KATNAL1: variants seen among roughly 807,000 people sequenced by gnomAD.
KATNAL1 encodes katanin catalytic subunit A1 like 1.
Under a neutral mutation model 55.2 loss-of-function variants are expected in KATNAL1, and 32 were observed. The observed-to-expected ratio is 0.58, with a 90% CI of 0.44 to 0.78. KATNAL1 has a LOEUF of 0.78. KATNAL1 is among the 30% of genes least tolerant of loss of function. KATNAL1 has a pLI of 0.00. For synonymous variants in KATNAL1, 193 were observed against 193.6 expected, an observed-to-expected ratio of 1.00 and a Z score of 0.02; for missense variants, 466 against 600.9, an observed-to-expected ratio of 0.78 and a Z score of 2.35.
intron 6 of KATNAL1, among the ~76,000 whole-genome samples, chr13:30,232,403 T>C (rs1297369809): frequency 6.6e-6 from 1 of 152,216 alleles, no homozygotes; most frequent in Non-Finnish European, 1.5e-5. Flanking sequence ...ATTCAGAAAC[T>C]GTCCAAATGC....
intron 4 of KATNAL1, 95 bp downstream of exon 4, chr13:30,255,352 A>C (rs1164298283): frequency 1.9e-6 from 2 of 1,045,738 alleles, no homozygotes; most frequent in East Asian, 5.6e-5. Flanking sequence ...CTTCCACGTC[A>C]AAACCAGGGT....
intron 9 of KATNAL1, among the ~76,000 whole-genome samples, chr13:30,215,180 A>G (rs1874090738): frequency 6.6e-6 from 1 of 152,016 alleles, no homozygotes; most frequent in Non-Finnish European, 1.5e-5. Flanking sequence ...AAAAATGCTC[A>G]TCATCACTGG....
chr13:30,281,278 G>C (rs181891474), intron 2 of KATNAL1, among the ~76,000 whole-genome samples: 24 of 151,694 alleles, frequency 1.6e-4, no homozygotes, highest in Non-Finnish European at 2.5e-4. Flanking sequence ...AGGAACATAT[G>C]AAGGAGTTAC....
intron 1 of KATNAL1, among the ~76,000 whole-genome samples, chr13:30,288,488 C>T (rs1593177973): frequency 6.6e-6 from 1 of 152,196 alleles, no homozygotes; most frequent in East Asian, 1.9e-4. Context: ...TAACTTATAA[C>T]AGCATGGAAA....
chr13:30,269,681 C>T (rs1379566164), intron 3 of KATNAL1, among the ~76,000 whole-genome samples: 11 of 151,928 alleles, frequency 7.2e-5, no homozygotes, highest in Admixed American at 5.9e-4. Flanking sequence ...CTCTACCCGG[C>T]CGCGACCCCG....
Position 30,202,746 on chromosome 13 carries a change from T to A in KATNAL1, c.*5794A>T, listed in dbSNP as rs961974083. On this transcript the variant is annotated 3_prime_UTR_variant, in exon 11 of 11. Coordinates refer to ENST00000380615, the MANE Select transcript of KATNAL1 (RefSeq NM_032116.5). Reference sequence around the variant, plus strand: ...GGTAAGGAAAAACACATTTAATAAATACAACTTGGAAACGTCTTTTTCTTT... The same window carrying A: ...GGTAAGGAAAAACACATTTAATAAAAACAACTTGGAAACGTCTTTTTCTTT... 1 of 152,138 alleles carries A rather than the reference T, an allele frequency of 6.6e-6. No individual in the cohort carries two copies. Among genetic ancestry groups the A allele is most frequent in the Non-Finnish European group, 1.5e-5 (1 of 68,014 alleles). The allele number at this position is 152,138 out of a possible 1,614,324, so 9.4% of individuals were successfully genotyped here. A position where few individuals can be genotyped will look rare whatever the true frequency, so the allele number is the denominator to read the frequency against.
At chr13:30,221,369 C>T (rs1874839916) in intron 9 of KATNAL1, among the ~76,000 whole-genome samples, 1 of 152,272 alleles carries the variant, frequency 6.6e-6, no homozygotes, top group African/African-American at 2.4e-5. Flanking sequence ...CTTAGTTCTG[C>T]CAGTAATCTG....
At chr13:30,277,937 T>C (rs189822583) in intron 3 of KATNAL1, among the ~76,000 whole-genome samples, 58 of 128,628 alleles carry the variant, frequency 4.5e-4, no homozygotes, top group African/African-American at 1.0e-3. Context: ...GAGCCGAGAT[T>C]GCGCCACTGC....
intron 3 of KATNAL1, among the ~76,000 whole-genome samples, chr13:30,274,891 A>ACATACGCGTGCG (rs55740915): frequency 2.9e-4 from 35 of 122,184 alleles, no homozygotes; most frequent in Middle Eastern, 8.3e-3. Flanking sequence ...GCACACACAT[A>ACATACGCGTGCG]CGCGCGCGCG....
At chr13:30,266,883 C>G (rs1014824763) in intron 3 of KATNAL1, among the ~76,000 whole-genome samples, 1 of 152,192 alleles carries the variant, frequency 6.6e-6, no homozygotes, top group Non-Finnish European at 1.5e-5. Flanking sequence ...ATTATACAAT[C>G]CCATTTAATA....
rs750166255 is a variant in KATNAL1, at chr13:30,255,480, G to A, written c.459C>T (p.Asp153=). 6.3e-7 allele frequency: 1 copy of A among 1,592,772 alleles called. No homozygotes were observed. Among genetic ancestry groups the A allele is most frequent in the South Asian group, 1.1e-5 (1 of 88,790 alleles). ...SKSEKPSTSR[D]KDYRARGRDD... is the part of the protein sequence containing the mutation. ...CTCTCCCTCTTGCTCTATAGTCCTT[G>A]TCCCTACTTGTAGAAGGCTTTTCAC... The change falls in exon 4 of 11, where the codon GAC becomes GAT. Residue 153 remains aspartate, a synonymous_variant. Coordinates refer to ENST00000380615, the MANE Select transcript of KATNAL1 (RefSeq NM_032116.5).
At chr13:30,275,940 G>A (rs1880810141) in intron 3 of KATNAL1, among the ~76,000 whole-genome samples, 1 of 151,962 alleles carries the variant, frequency 6.6e-6, no homozygotes. Context: ...ATACCATGTT[G>A]AATACTGCTG....
intron 4 of KATNAL1, among the ~76,000 whole-genome samples, chr13:30,252,308 G>A (rs962916234): frequency 2.0e-5 from 3 of 152,188 alleles, no homozygotes; most frequent in Non-Finnish European, 2.9e-5. Context: ...GCTCAAGGAA[G>A]ACTAACATTT....
intron 3 of KATNAL1, among the ~76,000 whole-genome samples, chr13:30,269,088 G>A (rs674253): frequency 6.6e-6 from 1 of 151,542 alleles, no homozygotes; most frequent in South Asian, 2.1e-4. Context: ...CTCTCCCCAC[G>A]GTCTCTCTCT....
intron 3 of KATNAL1, among the ~76,000 whole-genome samples, chr13:30,262,550 C>T (rs1356459028): frequency 6.6e-6 from 1 of 152,046 alleles, no homozygotes; most frequent in Non-Finnish European, 1.5e-5. Flanking sequence ...ACCACCGATC[C>T]CACAGAAATA....
chr13:30,230,498 C>G lies in KATNAL1; in HGVS notation c.982G>C (p.Val328Leu), dbSNP rs1218742019. ...TSDEHEASRR[V>L]KSELLIQMDG... Reference sequence around the variant, plus strand: ...ATCTGAATGAGCAGTTCAGACTTGACCCTGCGACTTGCCTCATGTTCATCA... The same window carrying G: ...ATCTGAATGAGCAGTTCAGACTTGAGCCTGCGACTTGCCTCATGTTCATCA... The change falls in exon 8 of 11, where the codon GTC (valine) becomes CTC (leucine). Residue 328 changes from valine to leucine, a missense_variant. Physicochemically the swap from Val to Leu is conservative, Grantham distance 32. Around this residue, in one of 3 missense-constraint regions of KATNAL1, gnomAD observed 213 missense variants for 308.6 expected, o/e 0.69. Coordinates refer to ENST00000380615, the MANE Select transcript of KATNAL1 (RefSeq NM_032116.5). The G allele has an allele frequency of 1.9e-6, 3 of 1,613,432 alleles. No homozygotes were observed. The highest frequency in any genetic ancestry group is 2.2e-5 in the South Asian group (2 of 91,054).
chr13:30,267,459 C>G (rs1593915465), intron 3 of KATNAL1, among the ~76,000 whole-genome samples: 1 of 152,186 alleles, frequency 6.6e-6, no homozygotes, highest in African/African-American at 2.4e-5. Context: ...TATAATTTAG[C>G]TGAATGTACA....
Position 30,208,592 on chromosome 13 carries a change from GC to G in KATNAL1, c.1420del (p.Ala474LeufsTer24). ...ALKKIAKSVS[A>X]ADLEKYEKWM... ...TTTTTCATACTTCTCCAAGTCTGCA[GC>G]AGAGACAGACTTAGCAATTTTCTTT... On this transcript the variant is annotated frameshift_variant, in exon 11 of 11. Transcript: ENST00000380615. LOFTEE classifies it high-confidence loss of function. 6.2e-7 allele frequency: 1 copy of G among 1,612,316 alleles called. No homozygotes were observed. Among genetic ancestry groups the G allele is most frequent in the Non-Finnish European group, 8.5e-7 (1 of 1,179,166 alleles).
intron 9 of KATNAL1, among the ~76,000 whole-genome samples, chr13:30,223,760 T>C (rs372110356): frequency 5.4e-4 from 82 of 152,276 alleles, no homozygotes; most frequent in African/African-American, 1.9e-3. Context: ...TTCCCAGTCA[T>C]AGATGAAGAT....
Sources: allele counts gnomAD v4.1 joint callset (sites outside exome capture counted in the v4.1 genomes callset), GRCh38; gene constraint gnomAD v4.1.1; regional missense constraint gnomAD v4.1.1; transcripts MANE v1.5; gene names NCBI Gene and HGNC (gene_info 2026-07-23, HGNC 2026-07-21).